The following HSDL2 variants were observed in gnomAD, a reference collection of about 807,000 sequenced individuals.
The protein encoded by HSDL2 is hydroxysteroid dehydrogenase-like protein 2.
Under a neutral mutation model 46.3 loss-of-function variants are expected in HSDL2, and 27 were observed. The ratio of observed to expected loss-of-function variants is 0.58; its 90% CI spans 0.43 to 0.80. The LOEUF is 0.80. HSDL2 is among the 30% of genes least tolerant of loss of function. The pLI, the probability that HSDL2 is intolerant of heterozygous loss-of-function variation, is 0.00. For missense variants in HSDL2, 451 were observed against 502.7 expected, an observed-to-expected ratio of 0.90 and a Z score of 0.98; for synonymous variants, 153 against 163.6, an observed-to-expected ratio of 0.94 and a Z score of 0.50.
chr9:112,395,437 G>A (rs949446107), intron 1 of HSDL2, among the ~76,000 whole-genome samples: 3 of 152,212 alleles, frequency 2.0e-5, no homozygotes, highest in Non-Finnish European at 4.4e-5. Flanking sequence ...AGGTTCCCAG[G>A]TATTGGTTTG....
intron 5 of HSDL2, among the ~76,000 whole-genome samples, chr9:112,418,426 T>C (rs1040614060): frequency 4.0e-5 from 6 of 151,316 alleles, no homozygotes; most frequent in African/African-American, 9.7e-5. Flanking sequence ...TACAAAAAAA[T>C]TGAAAAATTA....
chr9:112,384,485 T>C (rs570860873), intron 1 of HSDL2, among the ~76,000 whole-genome samples: 3 of 152,188 alleles, frequency 2.0e-5, no homozygotes, highest in South Asian at 4.2e-4. Context: ...CAAAGAGATA[T>C]GGCTTTTTTT....
intron 8 of HSDL2, among the ~76,000 whole-genome samples, chr9:112,450,621 T>A (rs1209227952): frequency 1.9e-5 from 1 of 51,516 alleles, no homozygotes. Flanking sequence ...AGAGCAAGAC[T>A]GCCTCAAAAA....
chr9:112,457,942 C>T (rs1440217415), intron 9 of HSDL2, among the ~76,000 whole-genome samples: 1 of 152,210 alleles, frequency 6.6e-6, no homozygotes, highest in Non-Finnish European at 1.5e-5. Flanking sequence ...CATTTATTAT[C>T]TACACTGCAG....
chr9:112,458,288 G>A (rs2132701653), intron 9 of HSDL2, among the ~76,000 whole-genome samples: 1 of 148,786 alleles, frequency 6.7e-6, no homozygotes, highest in East Asian at 2.0e-4. Flanking sequence ...TTGCATCGCA[G>A]TAAAAAATAC....
chr9:112,422,785 G>A (rs1192932390), intron 6 of HSDL2, among the ~76,000 whole-genome samples: 1 of 152,194 alleles, frequency 6.6e-6, no homozygotes, highest in Non-Finnish European at 1.5e-5. Context: ...GAATTTATGA[G>A]GGGGAGAAAG....
Position 112,454,013 on chromosome 9 carries a change from G to A in HSDL2, c.866G>A (p.Gly289Asp). ...EAVSKKVEST[G>D]AVPEFKEEKL... Reference sequence around the variant, plus strand: ...CATTTGCTTCAATAATATCTTATAGGTGCTGTTCCAGAATTCAAAGAAGAG... The same window carrying A: ...CATTTGCTTCAATAATATCTTATAGATGCTGTTCCAGAATTCAAAGAAGAG... Residue 289 changes from glycine to aspartate, a missense_variant and splice_region_variant, in exon 9 of 11, where the codon GGT becomes GAT. Transcript: ENST00000398805. 1 of 1,613,190 alleles carries A rather than the reference G, an allele frequency of 6.2e-7. No homozygotes were observed. The highest frequency in any genetic ancestry group is 8.5e-7 in the Non-Finnish European group (1 of 1,179,592).
chr9:112,404,229 GT>G, intron 2 of HSDL2, 71 bp downstream of exon 2: 1 of 1,453,154 alleles, frequency 6.9e-7, no homozygotes, highest in Non-Finnish European at 9.4e-7. Context: ...TTGCTGGAGA[GT>G]TTAGTTAAAG....
chr9:112,417,028 A>C (rs1832010440), intron 5 of HSDL2, 84 bp downstream of exon 5: 1 of 554,746 alleles, frequency 1.8e-6, no homozygotes, highest in South Asian at 2.7e-5. Flanking sequence ...TGTAATCACA[A>C]TCTGCACATA....
At chr9:112,416,132 C>T (rs1022460065) in intron 4 of HSDL2, among the ~76,000 whole-genome samples, 12 of 150,152 alleles carry the variant, frequency 8.0e-5, no homozygotes, top group Admixed American at 2.0e-4. Context: ...TGGATTGGCC[C>T]GGCATGATGG....
chr9:112,427,033 ATAT>A (rs974722112), intron 6 of HSDL2, among the ~76,000 whole-genome samples: 2 of 152,036 alleles, frequency 1.3e-5, no homozygotes, highest in Non-Finnish European at 2.9e-5. Flanking sequence ...GATTATTATT[ATAT>A]TATTAATTAA....
At chr9:112,446,139 T>TGGG (rs1832755781) in intron 8 of HSDL2, among the ~76,000 whole-genome samples, 2 of 151,768 alleles carry the variant, frequency 1.3e-5, no homozygotes, top group African/African-American at 2.4e-5. Context: ...TTCTTCCTCA[T>TGGG]ATTAGGAGAT....
chr9:112,420,309 G>A (rs1832089493), intron 6 of HSDL2, among the ~76,000 whole-genome samples: 1 of 152,126 alleles, frequency 6.6e-6, no homozygotes, highest in South Asian at 2.1e-4. Context: ...GCAAGACCCT[G>A]TCTCAACAAC....
chr9:112,465,306 T>C (rs1329312340), intron 10 of HSDL2, among the ~76,000 whole-genome samples: 1 of 152,116 alleles, frequency 6.6e-6, no homozygotes, highest in Non-Finnish European at 1.5e-5. Flanking sequence ...TTTTTGTATT[T>C]TTAGTAGAGA....
At chr9:112,464,805 C>T (rs1000971748) in intron 10 of HSDL2, among the ~76,000 whole-genome samples, 22 of 152,288 alleles carry the variant, frequency 1.4e-4, no homozygotes, top group African/African-American at 5.1e-4. Context: ...CACCCATTAG[C>T]GGTCAACCTC....
chr9:112,435,147 G>A (rs900686878), intron 6 of HSDL2, among the ~76,000 whole-genome samples: 7 of 152,004 alleles, frequency 4.6e-5, no homozygotes, highest in African/African-American at 1.7e-4. Flanking sequence ...TGAGTGCCTA[G>A]TTGTACCTTC....
At chr9:112,389,338 T>C (rs1017411121) in intron 1 of HSDL2, among the ~76,000 whole-genome samples, 1 of 152,146 alleles carries the variant, frequency 6.6e-6, no homozygotes, top group African/African-American at 2.4e-5. Context: ...CACTCTTAAG[T>C]GGTTTGGAGA....
At chr9:112,413,527 T>G (rs1831926491) in intron 4 of HSDL2, among the ~76,000 whole-genome samples, 1 of 152,150 alleles carries the variant, frequency 6.6e-6, no homozygotes, top group Non-Finnish European at 1.5e-5. Flanking sequence ...ATATTTCTAT[T>G]TTATTTTATT....
At chr9:112,442,267 TCAAA>T (rs1219712444) in intron 8 of HSDL2, among the ~76,000 whole-genome samples, 1 of 42,856 alleles carries the variant, frequency 2.3e-5, no homozygotes, top group African/African-American at 1.1e-4. Flanking sequence ...AGACCCTGTC[TCAAA>T]AAAAAAAAAA....
Sources: allele counts gnomAD v4.1 joint callset (sites outside exome capture counted in the v4.1 genomes callset), GRCh38; gene constraint gnomAD v4.1.1; transcripts MANE v1.5; gene names NCBI Gene and HGNC (gene_info 2026-07-23, HGNC 2026-07-21).